The following IL1RAPL2 variants were observed in gnomAD, a reference collection of about 807,000 sequenced individuals.
IL1RAPL2 encodes the protein interleukin 1 receptor accessory protein like 2, also known as X-linked interleukin-1 receptor accessory protein-like 2.
In IL1RAPL2, 3 loss-of-function variants were observed where a neutral mutation model predicts 44.1. That is an observed-to-expected ratio of 0.07 (90% confidence interval 0.03 to 0.18). IL1RAPL2 has a LOEUF of 0.18. Among genes scored for constraint, IL1RAPL2 ranks in the 10% least tolerant of loss-of-function variants. The pLI is 1.00. For synonymous variants in IL1RAPL2, 181 were observed against 178.8 expected (o/e 1.01, Z -0.10); for missense variants, 391 against 496.4 (o/e 0.79, Z 2.02).
intron 5 of IL1RAPL2, among the ~76,000 whole-genome samples, chrX:105,410,370 A>C (rs756639345): frequency 9.1e-6 from 1 of 110,094 alleles, no homozygotes; most frequent in African/African-American, 3.3e-5. Context: ...ACCAAGAGAA[A>C]GAGAGCATTT....
intron 5 of IL1RAPL2, among the ~76,000 whole-genome samples, chrX:105,347,556 C>CCATCATCAT (rs35941963): frequency 1.0e-5 from 1 of 100,479 alleles, no homozygotes; most frequent in Non-Finnish European, 2.0e-5. Flanking sequence ...CTCTCTTCCT[C>CCATCATCAT]CATCATCATC....
intron 2 of IL1RAPL2, among the ~76,000 whole-genome samples, chrX:104,905,307 A>G (rs1234982794): frequency 9.0e-6 from 1 of 111,377 alleles, no homozygotes; most frequent in Non-Finnish European, 1.9e-5. Flanking sequence ...CTTTAGTTTA[A>G]TTAGATCCCA....
intron 2 of IL1RAPL2, among the ~76,000 whole-genome samples, chrX:104,957,165 G>A (rs895225754): frequency 8.9e-6 from 1 of 112,456 alleles, no homozygotes; most frequent in Non-Finnish European, 1.9e-5. Flanking sequence ...CATGAATGAA[G>A]TGGGCAGAGC....
intron 6 of IL1RAPL2, among the ~76,000 whole-genome samples, chrX:105,644,017 G>C (rs1298863793): frequency 9.0e-6 from 1 of 110,998 alleles, no homozygotes; most frequent in African/African-American, 3.3e-5. Context: ...TCAGCCTCCT[G>C]AGTAGCTGGG....
At chrX:105,112,892 GT>G (rs754016005) in intron 2 of IL1RAPL2, among the ~76,000 whole-genome samples, 2 of 112,569 alleles carry the variant, frequency 1.8e-5, no homozygotes, top group Admixed American at 9.4e-5. Flanking sequence ...ACTCTTCATT[GT>G]TTTCCTCTAA....
chrX:105,088,212 TAA>T (rs2032501631), intron 2 of IL1RAPL2, among the ~76,000 whole-genome samples: 1 of 111,845 alleles, frequency 8.9e-6, no homozygotes, highest in African/African-American at 3.2e-5. Context: ...CTGATAAATC[TAA>T]AGAGTACAGT....
intron 1 of IL1RAPL2, among the ~76,000 whole-genome samples, chrX:104,636,451 C>T (rs1460243649): frequency 8.9e-6 from 1 of 112,435 alleles, no homozygotes; most frequent in Admixed American, 9.4e-5. Context: ...GTGGAGTCTA[C>T]AGATGCAGGC....
intron 2 of IL1RAPL2, among the ~76,000 whole-genome samples, chrX:104,902,233 A>C (rs1049592659): frequency 8.9e-6 from 1 of 111,788 alleles, no homozygotes; most frequent in Admixed American, 9.5e-5. Context: ...CTTCCTAGTC[A>C]CCTCTGATCT....
At chrX:104,813,827 C>T (rs1317964681) in intron 2 of IL1RAPL2, among the ~76,000 whole-genome samples, 1 of 111,796 alleles carries the variant, frequency 8.9e-6, no homozygotes, top group Non-Finnish European at 1.9e-5. Context: ...AAGGAAACTG[C>T]AGCTGTGTCT....
chrX:105,712,835 T>A (rs949873888), intron 6 of IL1RAPL2, among the ~76,000 whole-genome samples: 3 of 111,865 alleles, frequency 2.7e-5, no homozygotes, highest in Non-Finnish European at 5.6e-5. Flanking sequence ...CAAAAGAAAG[T>A]TAGTTACTTC....
chrX:105,301,789 G>A (rs1352468209), intron 5 of IL1RAPL2, among the ~76,000 whole-genome samples: 1 of 112,000 alleles, frequency 8.9e-6, no homozygotes, highest in African/African-American at 3.2e-5. Context: ...TGGACACTTG[G>A]TTGCTTCCAA....
At chrX:105,506,513 A>T (rs185471697) in intron 6 of IL1RAPL2, among the ~76,000 whole-genome samples, 221 of 111,408 alleles carry the variant, frequency 2.0e-3, no homozygotes, top group Non-Finnish European at 3.5e-3. Context: ...CTCTTCTAAG[A>T]CAGTGAGAAG....
At chrX:104,609,895 G>A (rs763094743) in intron 1 of IL1RAPL2, among the ~76,000 whole-genome samples, 1 of 111,607 alleles carries the variant, frequency 9.0e-6, no homozygotes, top group East Asian at 2.8e-4. Flanking sequence ...TTCCCTTGCT[G>A]GAGAGGAGTT....
chrX:105,030,370 T>C (rs2031466103), intron 2 of IL1RAPL2, among the ~76,000 whole-genome samples: 1 of 111,998 alleles, frequency 8.9e-6, no homozygotes, highest in Non-Finnish European at 1.9e-5. Flanking sequence ...AGGGTTTTTA[T>C]GGTTTTAGGT....
chrX:105,385,232 G>C (rs1295253946), intron 5 of IL1RAPL2, among the ~76,000 whole-genome samples: 1 of 111,200 alleles, frequency 9.0e-6, no homozygotes, highest in Non-Finnish European at 1.9e-5. Context: ...GTATGATTTA[G>C]TTAGCTGTGG....
intron 2 of IL1RAPL2, among the ~76,000 whole-genome samples, chrX:104,845,983 G>A (rs1602755262): frequency 3.6e-5 from 4 of 111,182 alleles, no homozygotes; most frequent in Non-Finnish European, 3.8e-5. Flanking sequence ...ACTGGGGTGA[G>A]TTGCTCTTGA....
intron 2 of IL1RAPL2, among the ~76,000 whole-genome samples, chrX:104,959,347 G>T (rs1449083765): frequency 9.0e-6 from 1 of 110,795 alleles, no homozygotes; most frequent in Non-Finnish European, 1.9e-5. Flanking sequence ...AGTGGAGTTT[G>T]TGTGTAGGTC....
chrX:105,477,842 T>C (rs926891167), intron 5 of IL1RAPL2, among the ~76,000 whole-genome samples: 1 of 112,150 alleles, frequency 8.9e-6, no homozygotes, highest in African/African-American at 3.2e-5. Flanking sequence ...CTCATGAGCT[T>C]AGGTGATTTG....
At chrX:104,829,044 G>C (rs950511885) in intron 2 of IL1RAPL2, among the ~76,000 whole-genome samples, 2 of 112,414 alleles carry the variant, frequency 1.8e-5, no homozygotes, top group Non-Finnish European at 3.8e-5. Flanking sequence ...TTTCAAGCCA[G>C]TGGATCTTAC....
Sources: allele counts gnomAD v4.1 joint callset (sites outside exome capture counted in the v4.1 genomes callset), GRCh38; gene constraint gnomAD v4.1.1; transcripts MANE v1.5; gene names NCBI Gene and HGNC (gene_info 2026-07-23, HGNC 2026-07-21).